GLT6D1: variants seen among roughly 807,000 people sequenced by gnomAD.
The protein encoded by GLT6D1 is glycosyltransferase 6 domain containing 1, also known as putative glycosyltransferase 6 domain-containing protein 1.
Under a neutral mutation model 12.3 loss-of-function variants are expected in GLT6D1, and 9 were observed. That is an observed-to-expected ratio of 0.73 (90% confidence interval 0.44 to 1.27). GLT6D1 has a LOEUF of 1.27. Ranked by LOEUF, GLT6D1 falls within the 50% of genes most tolerant of loss-of-function variation. GLT6D1 has a pLI of 0.00. For synonymous variants in GLT6D1, 128 were observed against 132.3 expected (o/e 0.97, Z 0.23); for missense variants, 335 against 346.2 (o/e 0.97, Z 0.26).
intron 2 of GLT6D1, among the ~76,000 whole-genome samples, chr9:135,635,601 A>G (rs1833755518): frequency 1.3e-5 from 2 of 152,206 alleles, no homozygotes; most frequent in African/African-American, 2.4e-5. Context: ...TGGTGCTAGA[A>G]ACCACGATCT....
At chr9:135,637,625 G>A (rs1336525192) in intron 2 of GLT6D1, among the ~76,000 whole-genome samples, 2 of 152,070 alleles carry the variant, frequency 1.3e-5, no homozygotes, top group Non-Finnish European at 2.9e-5. Flanking sequence ...TGTTTTCGTT[G>A]CAATTTCCTG....
chr9:135,639,292 C>A lies in GLT6D1; in HGVS notation c.-7+1G>T, dbSNP rs74515947. The A allele has an allele frequency of 2.6e-4, 164 of 627,184 alleles. 1 individual carries two copies. The East Asian group carries it at 4.9e-3, about 19-fold the overall frequency. The allele number at this position is 627,184 out of a possible 1,614,324, so 38.9% of individuals were successfully genotyped here. A position where few individuals can be genotyped will look rare whatever the true frequency, so the allele number is the denominator to read the frequency against. Reference sequence around the variant, plus strand: ...TTAATGTATGGGCATTGGACACCAACCTTAGAGGTTGCTTCTAGAATGTTC... The same window carrying A: ...TTAATGTATGGGCATTGGACACCAAACTTAGAGGTTGCTTCTAGAATGTTC... On this transcript the variant is annotated splice_donor_variant, in intron 1 of 4. Transcript: ENST00000371763. LOFTEE classifies it low-confidence loss of function (5UTR_SPLICE).
intron 2 of GLT6D1, among the ~76,000 whole-genome samples, chr9:135,636,174 G>C (rs1045409669): frequency 2.0e-4 from 30 of 152,220 alleles, no homozygotes; most frequent in African/African-American, 7.0e-4. Flanking sequence ...GGCCAACATG[G>C]TGAAACCCCA....
chr9:135,626,241 T>C, intron 3 of GLT6D1, 35 bp from the exon 4 acceptor site: 1 of 1,608,498 alleles, frequency 6.2e-7, no homozygotes, highest in East Asian at 2.2e-5. Flanking sequence ...CAGGGAGTGC[T>C]TTACTGAGGC....
rs1833722310 is a variant in GLT6D1 at position 135,634,451 on chromosome 9, TTTTTTTTTTTTTTG to T, written c.72-2987_72-2974del. Among the ~76,000 whole-genome samples, 3 of 142,750 alleles carry T rather than the reference TTTTTTTTTTTTTTG, an allele frequency of 2.1e-5. No homozygotes were observed. The South Asian group carries it at 6.9e-4, about 33-fold the overall frequency. The allele number at this position is 142,750 out of a possible 152,430, so 93.6% of individuals were successfully genotyped here. The stretch of plus-strand genomic sequence containing the variant: ...CCTTGTTTTTCCTTTCCTTTTTTTT[TTTTTTTTTTTTTTG>T]GCATGATTTATTTTTACTTTATTTC... On this transcript the variant is annotated intron_variant, in intron 2 of 4. Coordinates refer to ENST00000371763, the MANE Select transcript of GLT6D1 (RefSeq NM_182974.3).
chr9:135,637,102 T>C (rs1180270460), intron 2 of GLT6D1, among the ~76,000 whole-genome samples: 1 of 152,002 alleles, frequency 6.6e-6, no homozygotes, highest in Non-Finnish European at 1.5e-5. Flanking sequence ...TCCACCTTCC[T>C]CAGCTTCCCA....
At chr9:135,627,838 C>A (rs867243375) in intron 3 of GLT6D1, among the ~76,000 whole-genome samples, 3 of 152,048 alleles carry the variant, frequency 2.0e-5, no homozygotes, top group African/African-American at 7.2e-5. Flanking sequence ...TTTTTGTTAT[C>A]TTTTTTATTC....
chr9:135,630,731 A>G (rs2119139736), intron 3 of GLT6D1, among the ~76,000 whole-genome samples: 1 of 152,288 alleles, frequency 6.6e-6, no homozygotes, highest in South Asian at 2.1e-4. Context: ...ACAAAAAAAA[A>G]AAAAAGATAC....
upstream of GLT6D1, among the ~76,000 whole-genome samples, chr9:135,640,347 G>C (rs1186417911): frequency 6.6e-6 from 1 of 152,214 alleles, no homozygotes; most frequent in Non-Finnish European, 1.5e-5. Context: ...TGAGTTAAAT[G>C]AGAAATAAAT....
intron 3 of GLT6D1, 151 bp from the exon 4 acceptor site, chr9:135,626,357 G>A (rs17593794): frequency 0.06 from 46,223 of 764,018 alleles, 1,712 homozygotes; most frequent in Middle Eastern, 0.074. Context: ...TCCTTGCAAC[G>A]CCCTATGCAA....
rs768140356 is a variant in GLT6D1, at chr9:135,639,183, T to C, written c.5A>G (p.Asn2Ser). The C allele has an allele frequency of 6.4e-7, 1 of 1,567,196 alleles. No homozygotes were observed. Among genetic ancestry groups the C allele is most frequent in the Non-Finnish European group, 8.8e-7 (1 of 1,139,280 alleles). ...AACCAATAACAGCATTCTTTTAGAA[T>C]TCATTCTCTCCTAGGGAAAGAAGGA... The part of the protein sequence containing the change: M[N>S]SKRMLLLVLF... Residue 2 changes from asparagine (N) to serine (S), a missense_variant, in exon 2 of 5, where the codon AAT becomes AGT. Physicochemically the swap from Asn to Ser is conservative, Grantham distance 46. Transcript: ENST00000371763.
Position 135,624,598 on chromosome 9 carries a change from G to A in GLT6D1, c.330C>T (p.Ile110=), listed in dbSNP as rs1283435268. 3 of 1,613,336 alleles carry A rather than the reference G, an allele frequency of 1.9e-6. No individual in the cohort carries two copies. The highest frequency in any genetic ancestry group is 1.7e-6 in the Non-Finnish European group (2 of 1,179,956). ...AGAAGGCGTCCACCATGATGTAGAA[G>A]ATCACTCGGTAGCCTGTCATGAAGT... ...NKHFMTGYRV[I]FYIMVDAFFK... The change falls in exon 5 of 5, where the codon ATC becomes ATT. Residue 110 remains isoleucine (I), a synonymous_variant. Coordinates refer to ENST00000371763, the MANE Select transcript of GLT6D1 (RefSeq NM_182974.3).
upstream of GLT6D1, among the ~76,000 whole-genome samples, chr9:135,640,527 G>C (rs1833871864): frequency 6.6e-6 from 1 of 151,842 alleles, no homozygotes; most frequent in African/African-American, 2.4e-5. Context: ...AAGACCAGCA[G>C]GACCAACATG....
At chr9:135,631,593 T>A (rs1833651010) in intron 2 of GLT6D1, 115 bp from the exon 3 acceptor site, 3 of 789,002 alleles carry the variant, frequency 3.8e-6, no homozygotes, top group African/African-American at 3.4e-5. Flanking sequence ...CAAATCAGAG[T>A]CAGGGGAAGC....
At chr9:135,635,669 T>C (rs1833758208) in intron 2 of GLT6D1, among the ~76,000 whole-genome samples, 1 of 152,224 alleles carries the variant, frequency 6.6e-6, no homozygotes, top group Non-Finnish European at 1.5e-5. Context: ...GTGTGCTCAT[T>C]GCTTCCAGGG....
rs1317716842 is a variant in GLT6D1 at position 135,639,142 on chromosome 9, G to C, written c.46C>G (p.Leu16Val). ...CTGAAATAACGCTCAACCAACATCA[G>C]TGAAAAAGCAAATAAAACCAATAAC... ...MLLLVLFAFS[L>V]MLVERYFRNH... The change falls in exon 2 of 5, where the codon CTG (leucine) becomes GTG (valine). Residue 16 changes from leucine to valine, a missense_variant. By Grantham distance (32) the Leu-to-Val change is conservative (BLOSUM62 1). Coordinates refer to ENST00000371763, the MANE Select transcript of GLT6D1 (RefSeq NM_182974.3). 6.3e-7 allele frequency: 1 copy of C among 1,587,054 alleles called. No homozygotes were observed. The highest frequency in any genetic ancestry group is 1.4e-5 in the African/African-American group (1 of 73,992).
chr9:135,625,505 A>G (rs1259073557), intron 4 of GLT6D1, among the ~76,000 whole-genome samples: 1 of 152,140 alleles, frequency 6.6e-6, no homozygotes, highest in African/African-American at 2.4e-5. Context: ...AGTTGCCCTC[A>G]CCCAAACCAA....
upstream of GLT6D1, among the ~76,000 whole-genome samples, chr9:135,640,690 A>G (rs1588208930): frequency 6.6e-6 from 1 of 152,008 alleles, no homozygotes; most frequent in Non-Finnish European, 1.5e-5. Flanking sequence ...ACTGCACTCC[A>G]GCCTGGGTGA....
In GLT6D1 at chr9:135,631,431, C is replaced by T; in HGVS notation, c.119G>A (p.Arg40Lys). ...TGTAAACAGGCATTTTTGTTCTTAC[C>T]TAGGATGAAACCAGTCTGAGAGCCG... ...ELRLSDWFHP[R>K]KRPDVITKTD... Residue 40 changes from arginine to lysine, a missense_variant and splice_region_variant, in exon 3 of 5, where the codon AGA becomes AAA. Transcript: ENST00000371763. 1 of 1,609,172 alleles carries T rather than the reference C, an allele frequency of 6.2e-7. No homozygotes were observed. Among genetic ancestry groups the T allele is most frequent in the Admixed American group, 1.7e-5 (1 of 59,996 alleles).
Sources: allele counts gnomAD v4.1 joint callset (sites outside exome capture counted in the v4.1 genomes callset), GRCh38; gene constraint gnomAD v4.1.1; transcripts MANE v1.5; gene names NCBI Gene and HGNC (gene_info 2026-07-23, HGNC 2026-07-21).